Variants in TENM2 observed in about 807,000 individuals in gnomAD.
The protein encoded by TENM2 is teneurin transmembrane protein 2.
A neutral mutation model predicts 245.2 loss-of-function variants in TENM2; 52 were observed. That is an observed-to-expected ratio of 0.21 (90% CI 0.17 to 0.27). The LOEUF is 0.27. Ranked by LOEUF, TENM2 falls within the 10% of genes least tolerant of loss-of-function variation. The probability of loss-of-function intolerance (pLI) is 1.00; values close to 1 mark genes in which losing one functional copy is unlikely to be tolerated. For synonymous variants in TENM2, 1,363 were observed against 1,438.9 expected (o/e 0.95, Z 1.19); for missense variants, 3,046 against 3,666.8 (o/e 0.83, Z 4.37).
At chr5:167,430,118 A>T (rs1313551910) in intron 2 of TENM2, among the ~76,000 whole-genome samples, 1 of 152,090 alleles carries the variant, frequency 6.6e-6, no homozygotes, top group Admixed American at 6.6e-5. Context: ...AGGAGTTTTG[A>T]TTTTATTTTA....
At chr5:167,344,950 C>G (rs997948190) in intron 1 of TENM2, among the ~76,000 whole-genome samples, 2 of 152,124 alleles carry the variant, frequency 1.3e-5, no homozygotes, top group Non-Finnish European at 2.9e-5. Context: ...GTTTCAGACT[C>G]TAAGATGAGG....
At chr5:167,729,149 T>A (rs1160248085) in intron 2 of TENM2, 1 of 152,182 alleles carries the variant, frequency 6.6e-6, no homozygotes, top group African/African-American at 2.4e-5. Context: ...CATAAGTAGC[T>A]TTGTAATATT....
intron 2 of TENM2, among the ~76,000 whole-genome samples, chr5:167,399,035 C>T (rs976808033): frequency 1.4e-4 from 22 of 152,178 alleles, no homozygotes; most frequent in African/African-American, 4.1e-4. Flanking sequence ...TGAATCGATC[C>T]GACATTAAAG....
chr5:167,782,340 TTAAA>T (rs1764254501), intron 2 of TENM2, among the ~76,000 whole-genome samples: 1 of 107,086 alleles, frequency 9.3e-6, no homozygotes, highest in Non-Finnish European at 1.9e-5. Flanking sequence ...AAAAAAAAAA[TTAAA>T]AAGAAAATAA....
chr5:167,903,432 A>C (rs553136794), intron 3 of TENM2, among the ~76,000 whole-genome samples: 1 of 150,400 alleles, frequency 6.6e-6, no homozygotes, highest in African/African-American at 2.4e-5. Context: ...CCGCCTACTC[A>C]GGTAGAATGG....
At chr5:167,139,154 T>G in the TENM2 span, among the ~76,000 whole-genome samples, 2 of 152,204 alleles carry the variant, frequency 1.3e-5, no homozygotes, top group Non-Finnish European at 2.9e-5. Flanking sequence ...TAAGTAGAAG[T>G]TAGTGCATGG....
At chr5:167,134,445 A>G in the TENM2 span, among the ~76,000 whole-genome samples, 1 of 152,170 alleles carries the variant, frequency 6.6e-6, no homozygotes, top group South Asian at 2.1e-4. Flanking sequence ...TAACTAGGCG[A>G]TTGTTTGTAG....
chr5:167,278,587 T>G, the TENM2 span, among the ~76,000 whole-genome samples: 2 of 152,178 alleles, frequency 1.3e-5, no homozygotes, highest in African/African-American at 4.8e-5. Context: ...TAATTTTGAG[T>G]ACATCTCTTT....
chr5:167,644,314 T>C (rs1032319858), intron 2 of TENM2, among the ~76,000 whole-genome samples: 5 of 152,200 alleles, frequency 3.3e-5, no homozygotes, highest in African/African-American at 1.2e-4. Flanking sequence ...GCAACCTGAG[T>C]CCCTTGTTAT....
At chr5:167,451,687 C>T (rs1043865082) in intron 2 of TENM2, among the ~76,000 whole-genome samples, 9 of 151,484 alleles carry the variant, frequency 5.9e-5, no homozygotes, top group Non-Finnish European at 1.2e-4. Flanking sequence ...CTCGCTCTGT[C>T]ACCCAGGCTG....
At chr5:168,190,656 C>A in intron 14 of TENM2, 109 bp downstream of exon 16, 1 of 939,080 alleles carries the variant, frequency 1.1e-6, no homozygotes, top group Non-Finnish European at 1.6e-6. Context: ...TGGAATCTGC[C>A]CCCCTAGAGG....
At chr5:167,515,639 G>GTA (rs1219380482) in intron 2 of TENM2, among the ~76,000 whole-genome samples, 6 of 143,210 alleles carry the variant, frequency 4.2e-5, no homozygotes, top group African/African-American at 1.0e-4. Context: ...ACATATATAT[G>GTA]TATATATATA....
At chr5:167,667,241 C>A (rs1755634749) in intron 2 of TENM2, among the ~76,000 whole-genome samples, 1 of 152,054 alleles carries the variant, frequency 6.6e-6, no homozygotes, top group South Asian at 2.1e-4. Flanking sequence ...GTTCACAATG[C>A]CTTTGAGGAC....
chr5:167,181,490 G>GTGTGTA, the TENM2 span, among the ~76,000 whole-genome samples: 1 of 148,886 alleles, frequency 6.7e-6, no homozygotes, highest in South Asian at 2.1e-4. Context: ...GTGTGTGTGT[G>GTGTGTA]TGTGTGTGTG....
intron 2 of TENM2, among the ~76,000 whole-genome samples, chr5:167,654,446 TTATC>T (rs143614977): frequency 0.014 from 2,137 of 152,220 alleles, 49 homozygotes; most frequent in African/African-American, 0.049. Flanking sequence ...CTCACTTGCT[TTATC>T]TATTTCTGAT....
the TENM2 span, among the ~76,000 whole-genome samples, chr5:167,078,043 A>C: frequency 6.6e-6 from 1 of 151,952 alleles, no homozygotes; most frequent in East Asian, 1.9e-4. Flanking sequence ...AAAGATAAAT[A>C]TTAGATGTTA....
chr5:168,234,751 A>G (rs575969900), intron 25 of TENM2, among the ~76,000 whole-genome samples: 7 of 152,236 alleles, frequency 4.6e-5, no homozygotes, highest in Non-Finnish European at 8.8e-5. Flanking sequence ...AAAGGAAAGC[A>G]TATAACCACG....
At chr5:167,629,665 C>T (rs1778735307) in intron 2 of TENM2, among the ~76,000 whole-genome samples, 1 of 152,134 alleles carries the variant, frequency 6.6e-6, no homozygotes, top group African/African-American at 2.4e-5. Flanking sequence ...AATAACATTC[C>T]ATACTCACCT....
intron 2 of TENM2, among the ~76,000 whole-genome samples, chr5:167,664,186 A>T (rs901053263): frequency 6.6e-6 from 1 of 152,288 alleles, no homozygotes; most frequent in East Asian, 1.9e-4. Context: ...CTGAGTCAAG[A>T]CCACTTTGAT....
Sources: allele counts gnomAD v4.1 joint callset (sites outside exome capture counted in the v4.1 genomes callset), GRCh38; gene constraint gnomAD v4.1.1; transcripts MANE v1.5; gene names NCBI Gene and HGNC (gene_info 2026-07-23, HGNC 2026-07-21).